SAMD5: variants seen among roughly 807,000 people sequenced by gnomAD.
The protein encoded by SAMD5 is sterile alpha motif domain-containing protein 5.
A neutral mutation model predicts 11.3 loss-of-function variants in SAMD5; 13 were observed. The observed-to-expected ratio is 1.15, with a 90% CI of 0.75 to 1.83. The LOEUF (loss-of-function observed/expected upper bound fraction) is 1.83, where lower values mean the gene tolerates loss of function less well. Among genes scored for constraint, SAMD5 ranks in the 40% most tolerant of loss-of-function variants. The probability of loss-of-function intolerance (pLI) is 0.00; values close to 1 mark genes in which losing one functional copy is unlikely to be tolerated. For missense variants in SAMD5, 255 were observed against 239.1 expected, an observed-to-expected ratio of 1.07 and a Z score of -0.44; for synonymous variants, 129 against 111.3, an observed-to-expected ratio of 1.16 and a Z score of -1.00.
At chr6:147,745,501 A>G in the SAMD5 span, among the ~76,000 whole-genome samples, 1 of 152,160 alleles carries the variant, frequency 6.6e-6, no homozygotes, top group Non-Finnish European at 1.5e-5. Context: ...AGATGATAAT[A>G]TGGGCCCAAT....
At chr6:147,847,497 A>G in the SAMD5 span, among the ~76,000 whole-genome samples, 1 of 152,292 alleles carries the variant, frequency 6.6e-6, no homozygotes, top group African/African-American at 2.4e-5. Flanking sequence ...GCTAAAACAG[A>G]CTCCTAAATA....
intron 1 of SAMD5, among the ~76,000 whole-genome samples, chr6:147,596,383 T>G (rs1260684922): frequency 6.6e-6 from 1 of 152,242 alleles, no homozygotes; most frequent in Non-Finnish European, 1.5e-5. Flanking sequence ...AACATTGATT[T>G]AAAAGTAATT....
chr6:147,850,656 A>G, the SAMD5 span, among the ~76,000 whole-genome samples: 1 of 152,166 alleles, frequency 6.6e-6, no homozygotes, highest in Non-Finnish European at 1.5e-5. Flanking sequence ...CAAAGTCAAC[A>G]ATGGTCTAAA....
At chr6:147,912,929 G>A in the SAMD5 span, among the ~76,000 whole-genome samples, 14,410 of 151,610 alleles carry the variant, frequency 0.095, 913 homozygotes, top group South Asian at 0.15. Flanking sequence ...AATCCAGAAC[G>A]CAATGAAGTT....
intron 1 of SAMD5, among the ~76,000 whole-genome samples, chr6:147,603,884 G>A (rs1789659692): frequency 6.6e-6 from 1 of 152,152 alleles, no homozygotes; most frequent in South Asian, 2.1e-4. Context: ...ATTGAAAGCT[G>A]GGCAGGATGG....
chr6:147,894,098 T>G, the SAMD5 span, among the ~76,000 whole-genome samples: 1 of 33,712 alleles, frequency 3.0e-5, no homozygotes, highest in Admixed American at 3.3e-4. Context: ...TGCCACTGGT[T>G]TTTTTTTTGT....
the SAMD5 span, among the ~76,000 whole-genome samples, chr6:147,796,184 G>C: frequency 1.3e-5 from 2 of 149,696 alleles, no homozygotes; most frequent in Non-Finnish European, 2.9e-5. Flanking sequence ...TTCTTCTAGG[G>C]TTTTTATGGT....
rs1013375812 is a variant in SAMD5, at chr6:147,565,860, A to G, written c.*1404A>G. ...CCATGGCAAAAGATGTTGACGTACA[A>G]CTGGCTCCTGAGGCTGTCAATTGTT... On this transcript the variant is annotated 3_prime_UTR_variant, in exon 2 of 2. Coordinates refer to ENST00000367474, the MANE Select transcript of SAMD5 (RefSeq NM_001030060.3). The G allele has an allele frequency of 1.0e-6, 1 of 985,416 alleles. No homozygotes were observed. Among genetic ancestry groups the G allele is most frequent in the African/African-American group, 1.7e-5 (1 of 57,352 alleles). 61.0% of individuals were successfully genotyped at this position (985,416 alleles called of 1,614,324 possible).
At chr6:147,719,120 G>A (rs190044020) in intron 1 of SAMD5, among the ~76,000 whole-genome samples, 41 of 152,374 alleles carry the variant, frequency 2.7e-4, no homozygotes, top group Admixed American at 2.7e-3. Context: ...ATCAGTTGGA[G>A]TGAGCAGTCA....
Position 147,733,022 on chromosome 6 carries a change from G to A in SAMD5, c.163-4295G>A, listed in dbSNP as rs9497855. On this transcript the variant is annotated intron_variant, in intron 1 of 1. Transcript: ENST00000566741. ...ACTACTGGAAGCTTTTGTGTATTTCGTTGGGTGTCAACTGATTCCATTTCA... is the reference window on the plus strand; with the variant it reads ...ACTACTGGAAGCTTTTGTGTATTTCATTGGGTGTCAACTGATTCCATTTCA... 3.6e-3 allele frequency among the ~76,000 whole-genome samples: 546 copies of A among 152,298 alleles called. 4 individuals are homozygous for A. The highest frequency in any genetic ancestry group is 0.012 in the African/African-American group (516 of 41,552).
intron 1 of SAMD5, among the ~76,000 whole-genome samples, chr6:147,646,700 T>C (rs1376172469): frequency 6.6e-6 from 1 of 152,212 alleles, no homozygotes; most frequent in Non-Finnish European, 1.5e-5. Flanking sequence ...AAAACTGCAT[T>C]TCTTATCTCT....
At chr6:147,529,726 TG>T (rs1326767599) in intron 1 of SAMD5, among the ~76,000 whole-genome samples, 1 of 152,240 alleles carries the variant, frequency 6.6e-6, no homozygotes, top group Non-Finnish European at 1.5e-5. Context: ...ATTTTATTAA[TG>T]TTTTTCATAC....
chr6:147,631,502 G>C (rs1306754120), intron 1 of SAMD5, among the ~76,000 whole-genome samples: 3 of 152,064 alleles, frequency 2.0e-5, no homozygotes, highest in African/African-American at 4.8e-5. Context: ...AGGTATGAAG[G>C]TTTCACTGAA....
At chr6:147,944,651 A>C in the SAMD5 span, among the ~76,000 whole-genome samples, 2 of 152,246 alleles carry the variant, frequency 1.3e-5, no homozygotes, top group East Asian at 3.8e-4. Context: ...AGATTCTTAG[A>C]GATAACTCCT....
At chr6:147,596,433 T>C (rs1266375556) in intron 1 of SAMD5, among the ~76,000 whole-genome samples, 1 of 152,236 alleles carries the variant, frequency 6.6e-6, no homozygotes, top group Non-Finnish European at 1.5e-5. Flanking sequence ...TCTGTGGTTA[T>C]GGCCATAATT....
the SAMD5 span, among the ~76,000 whole-genome samples, chr6:147,788,669 A>G: frequency 1.2e-3 from 183 of 152,326 alleles, no homozygotes; most frequent in African/African-American, 4.2e-3. Flanking sequence ...TTTTTAGAAT[A>G]GCTCTAGAAA....
chr6:147,613,325 C>A (rs1789813480), intron 1 of SAMD5, among the ~76,000 whole-genome samples: 1 of 151,714 alleles, frequency 6.6e-6, no homozygotes, highest in African/African-American at 2.4e-5. Context: ...CTTATTGAGC[C>A]CCTGATCCTC....
chr6:147,820,333 C>A, the SAMD5 span, among the ~76,000 whole-genome samples: 59 of 152,242 alleles, frequency 3.9e-4, no homozygotes, highest in African/African-American at 1.2e-3. Context: ...ATGATGATAT[C>A]TATTTTTCTG....
chr6:147,744,921 A>ATAAG, the SAMD5 span, among the ~76,000 whole-genome samples: 25 of 142,616 alleles, frequency 1.8e-4, no homozygotes, highest in African/African-American at 2.7e-4. Context: ...AAATAAATAA[A>ATAAG]TAAGTAAGTA....
Sources: gnomAD v4.1 joint callset for allele counts (sites outside exome capture counted in the v4.1 genomes callset) on GRCh38, gnomAD v4.1.1 for gene constraint, MANE v1.5 for transcripts, NCBI Gene and HGNC (gene_info 2026-07-23, HGNC 2026-07-21) for gene names.